The following PCDH15 variants were observed in gnomAD, a reference collection of about 807,000 sequenced individuals.
The protein encoded by PCDH15 is protocadherin-15.
In PCDH15, 129 loss-of-function variants were observed where a neutral mutation model predicts 178.5. The ratio of observed to expected loss-of-function variants is 0.72; its 90% confidence interval spans 0.63 to 0.84. The LOEUF (loss-of-function observed/expected upper bound fraction) is 0.84. PCDH15 is among the 40% of genes least tolerant of loss of function. PCDH15 has a pLI of 0.00. For missense variants in PCDH15, 2,230 were observed against 2,099.9 expected (o/e 1.06, Z -1.21); for synonymous variants, 800 against 732.0 (o/e 1.09, Z -1.50).
At chr10:54,723,737 C>A (rs1385297565) in intron 1 of PCDH15, among the ~76,000 whole-genome samples, 1 of 151,304 alleles carries the variant, frequency 6.6e-6, no homozygotes, top group Non-Finnish European at 1.5e-5. Context: ...GGCAAAAACA[C>A]GGACATTTCT....
At chr10:54,136,411 T>C (rs1215274962) in intron 14 of PCDH15, among the ~76,000 whole-genome samples, 1 of 151,820 alleles carries the variant, frequency 6.6e-6, no homozygotes, top group African/African-American at 2.4e-5. Context: ...TTTTTTTTTT[T>C]GACCTGGAAC....
At chr10:55,081,376 T>G (rs1296313695) in intron 2 of PCDH15, among the ~76,000 whole-genome samples, 1 of 152,210 alleles carries the variant, frequency 6.6e-6, no homozygotes, top group African/African-American at 2.4e-5. Flanking sequence ...ATCTCATTTA[T>G]GAAGGCTCCA....
chr10:55,016,235 ATCTTT>A (rs1840176778), intron 2 of PCDH15, among the ~76,000 whole-genome samples: 1 of 152,180 alleles, frequency 6.6e-6, no homozygotes, highest in African/African-American at 2.4e-5. Context: ...TCAAGCCCTT[ATCTTT>A]TCTTTGTGTT....
intron 1 of PCDH15, among the ~76,000 whole-genome samples, chr10:55,206,079 C>T (rs183983393): frequency 2.0e-5 from 3 of 152,070 alleles, no homozygotes; most frequent in Admixed American, 2.0e-4. Context: ...ATGGGAGCTA[C>T]AATATGCGAT....
intron 2 of PCDH15, among the ~76,000 whole-genome samples, chr10:55,128,281 A>T (rs954187050): frequency 6.6e-6 from 1 of 151,648 alleles, no homozygotes; most frequent in African/African-American, 2.4e-5. Context: ...GAATATGAGG[A>T]TTCTAACTCA....
chr10:54,328,763 A>C (rs1938745527), intron 7 of PCDH15, among the ~76,000 whole-genome samples: 1 of 151,020 alleles, frequency 6.6e-6, no homozygotes, highest in African/African-American at 2.4e-5. Flanking sequence ...CCAGCTGATA[A>C]GGCATTGGGA....
chr10:55,051,967 T>C (rs1056520311), intron 2 of PCDH15, among the ~76,000 whole-genome samples: 5 of 151,946 alleles, frequency 3.3e-5, no homozygotes, highest in African/African-American at 7.3e-5. Context: ...TACCCATAGA[T>C]AGGGTGGAGC....
At chr10:55,283,500 T>C (rs1842787227) in intron 1 of PCDH15, among the ~76,000 whole-genome samples, 1 of 151,860 alleles carries the variant, frequency 6.6e-6, no homozygotes, top group South Asian at 2.1e-4. Context: ...ATTGGCTCTG[T>C]CAAGGCAGCG....
chr10:54,392,979 A>G (rs1378338309), intron 3 of PCDH15, among the ~76,000 whole-genome samples: 1 of 152,044 alleles, frequency 6.6e-6, no homozygotes, highest in African/African-American at 2.4e-5. Context: ...AGGGAAGTAC[A>G]TCATAACTTT....
rs1278487003 is a variant in PCDH15, at chr10:54,170,097, A to G, written c.1590+13347T>C. ...CCCTGACACCCATCAAGCTCAGCAAATTACCTAGGCTGTACTGCCACAAAG... is the reference window on the plus strand; with the variant it reads ...CCCTGACACCCATCAAGCTCAGCAAGTTACCTAGGCTGTACTGCCACAAAG... On this transcript the variant is annotated intron_variant, in intron 13 of 37. Transcript: ENST00000644397. Among the ~76,000 whole-genome samples the G allele has an allele frequency of 6.2e-3, 700 of 113,278 alleles. 6 individuals carry two copies. Among genetic ancestry groups the G allele is most frequent in the African/African-American group, 0.017 (434 of 26,134 alleles). 74.3% of individuals were successfully genotyped at this position (113,278 alleles called of 152,430 possible). A position where few individuals can be genotyped will look rare whatever the true frequency, so the allele number is the denominator to read the frequency against.
Position 53,806,323 on chromosome 10 carries a change from A to G in PCDH15, c.*256T>C. On this transcript the variant is annotated 3_prime_UTR_variant, in exon 38 of 38. Transcript: ENST00000644397. ...TTATTAAAATGAACAAAAATTCAAG[A>G]CCCAACAAAACAGCTAAATGTTTAA... The G allele has an allele frequency of 2.8e-6, 1 of 357,300 alleles. No homozygotes were observed. Among genetic ancestry groups the G allele is most frequent in the East Asian group, 4.5e-5 (1 of 22,228 alleles). The allele number at this position is 357,300 out of a possible 1,614,324, so 22.1% of individuals were successfully genotyped here. A position where few individuals can be genotyped will look rare whatever the true frequency, so the allele number is the denominator to read the frequency against.
intron 2 of PCDH15, among the ~76,000 whole-genome samples, chr10:55,608,144 T>C (rs1191376542): frequency 2.0e-5 from 3 of 151,708 alleles, no homozygotes; most frequent in Admixed American, 6.6e-5. Flanking sequence ...ACTGGACTGA[T>C]AAGAGAATAA....
chr10:54,239,234 T>C (rs543145485), intron 8 of PCDH15, among the ~76,000 whole-genome samples: 29 of 152,174 alleles, frequency 1.9e-4, no homozygotes, highest in African/African-American at 6.5e-4. Flanking sequence ...CTTTAATTAG[T>C]AATGTAGTAT....
chr10:53,898,210 GC>G lies in PCDH15; in HGVS notation c.3501+5032del, dbSNP rs1304712900. On this transcript the variant is annotated intron_variant, in intron 26 of 37. Transcript: ENST00000644397. Reference sequence around the variant, plus strand: ...TCTGGATCTCCTGACCTCGTGATCCGCCCGCCTCGGCCTCCCAAAGTGCTGG... The same window carrying G: ...TCTGGATCTCCTGACCTCGTGATCCGCCGCCTCGGCCTCCCAAAGTGCTGG... 3.3e-5 allele frequency among the ~76,000 whole-genome samples: 5 copies of G among 151,766 alleles called. No homozygotes were observed. The East Asian group carries it at 9.8e-4, about 30-fold the overall frequency.
chr10:54,642,305 A>T (rs138968925), intron 2 of PCDH15, among the ~76,000 whole-genome samples: 3 of 152,292 alleles, frequency 2.0e-5, no homozygotes, highest in East Asian at 1.9e-4. Flanking sequence ...ATGAACAATA[A>T]TTTTTTGTTC....
At chr10:53,856,324 G>C (rs1274965580) in intron 28 of PCDH15, among the ~76,000 whole-genome samples, 1 of 151,934 alleles carries the variant, frequency 6.6e-6, no homozygotes, top group Non-Finnish European at 1.5e-5. Flanking sequence ...ATCTTTTACA[G>C]TATCAAAATA....
At chr10:54,322,483 A>G (rs1007656229) in intron 7 of PCDH15, among the ~76,000 whole-genome samples, 8 of 152,006 alleles carry the variant, frequency 5.3e-5, no homozygotes, top group Non-Finnish European at 1.0e-4. Flanking sequence ...TTCAACCAGT[A>G]CTCTGAACAG....
intron 15 of PCDH15, among the ~76,000 whole-genome samples, chr10:54,128,295 T>A (rs1247115932): frequency 6.6e-6 from 1 of 152,128 alleles, no homozygotes; most frequent in Non-Finnish European, 1.5e-5. Flanking sequence ...TGCTTCAGTA[T>A]CCTTTATTTT....
At chr10:55,339,226 T>G (rs554944506) in intron 2 of PCDH15, among the ~76,000 whole-genome samples, 1 of 152,278 alleles carries the variant, frequency 6.6e-6, no homozygotes, top group Non-Finnish European at 1.5e-5. Flanking sequence ...ACATACTGTA[T>G]GCCTGTATTA....
Sources: allele counts gnomAD v4.1 joint callset (sites outside exome capture counted in the v4.1 genomes callset), GRCh38; gene constraint gnomAD v4.1.1; transcripts MANE v1.5; gene names NCBI Gene and HGNC (gene_info 2026-07-23, HGNC 2026-07-21).